Variants in LRP1B observed in about 807,000 individuals in gnomAD.
LRP1B encodes LDL receptor related protein 1B.
In LRP1B, 217 loss-of-function variants were observed where a neutral mutation model predicts 556.6. The observed-to-expected ratio is 0.39, with a 90% CI of 0.35 to 0.44. The LOEUF (loss-of-function observed/expected upper bound fraction) is 0.44. Ranked by LOEUF, LRP1B falls within the 20% of genes least tolerant of loss-of-function variation. The pLI is 1.00. For synonymous variants in LRP1B, 2,047 were observed against 1,865.8 expected (o/e 1.10, Z -2.50); for missense variants, 5,053 against 5,620.8 (o/e 0.90, Z 3.23).
At chr2:140,775,246 T>C (rs1283762018) in intron 33 of LRP1B, among the ~76,000 whole-genome samples, 4 of 152,002 alleles carry the variant, frequency 2.6e-5, no homozygotes, top group Admixed American at 2.6e-4. Flanking sequence ...GCTTGCTTGA[T>C]GGTCATTACC....
At chr2:141,164,610 C>T (rs1349652195) in intron 7 of LRP1B, among the ~76,000 whole-genome samples, 1 of 152,040 alleles carries the variant, frequency 6.6e-6, no homozygotes, top group Non-Finnish European at 1.5e-5. Context: ...ACCCAAAGTA[C>T]TCTAACACAA....
At chr2:140,244,278 C>T (rs552896028) in intron 87 of LRP1B, among the ~76,000 whole-genome samples, 1 of 151,176 alleles carries the variant, frequency 6.6e-6, no homozygotes, top group East Asian at 2.0e-4. Flanking sequence ...ATGGATGATA[C>T]AAAATGATAA....
intron 7 of LRP1B, among the ~76,000 whole-genome samples, chr2:141,115,067 T>G (rs944292906): frequency 6.6e-6 from 1 of 152,058 alleles, no homozygotes; most frequent in African/African-American, 2.4e-5. Context: ...GGAGTGTCCA[T>G]TTTCTAGAAC....
At chr2:140,561,412 T>C (rs1680926139) in intron 43 of LRP1B, among the ~76,000 whole-genome samples, 1 of 152,202 alleles carries the variant, frequency 6.6e-6, no homozygotes, top group African/African-American at 2.4e-5. Flanking sequence ...GGCTGTCCAT[T>C]CTTCATTGAA....
At chr2:140,801,434 G>A (rs1690507288) in intron 32 of LRP1B, among the ~76,000 whole-genome samples, 1 of 152,126 alleles carries the variant, frequency 6.6e-6, no homozygotes, top group African/African-American at 2.4e-5. Context: ...CGGATGTAGT[G>A]CACATGACTG....
In LRP1B at chr2:141,152,969, A is replaced by G. The variant is rs574207195; in HGVS notation, c.1013+35452T>C. Reference sequence around the variant, plus strand: ...AGGTACACTTAGTTTACTCTTAGACAGTACTTTTCTAGTTTTTACCCAAAT... The same window carrying G: ...AGGTACACTTAGTTTACTCTTAGACGGTACTTTTCTAGTTTTTACCCAAAT... On this transcript the variant is annotated intron_variant, in intron 7 of 90. Coordinates refer to ENST00000389484, the MANE Select transcript of LRP1B (RefSeq NM_018557.3). 4.6e-5 allele frequency among the ~76,000 whole-genome samples: 7 copies of G among 150,998 alleles called. No individual in the cohort carries two copies. In the South Asian group the frequency reaches 1.2e-3, roughly 27 times the overall value.
chr2:141,585,422 C>CGTGTGTGTGTGTGTGT (rs3041302), intron 2 of LRP1B, among the ~76,000 whole-genome samples: 8 of 129,262 alleles, frequency 6.2e-5, no homozygotes, highest in East Asian at 2.5e-4. Flanking sequence ...CTGAAATAAT[C>CGTGTGTGTGTGTGTGT]GTGTGTGTGT....
intron 66 of LRP1B, among the ~76,000 whole-genome samples, chr2:140,413,731 C>G (rs1274007845): frequency 3.3e-5 from 5 of 152,138 alleles, no homozygotes; most frequent in African/African-American, 1.2e-4. Flanking sequence ...AGCAAAATAT[C>G]ATCTCCACTT....
chr2:141,345,233 A>G (rs2714218), intron 3 of LRP1B, among the ~76,000 whole-genome samples: 92,722 of 151,526 alleles, frequency 0.61, 29,369 homozygotes, highest in African/African-American at 0.71. Flanking sequence ...ACACACCAAT[A>G]CTGCCCACTT....
At chr2:141,534,346 C>G (rs1684992635) in intron 2 of LRP1B, among the ~76,000 whole-genome samples, 1 of 152,114 alleles carries the variant, frequency 6.6e-6, no homozygotes, top group Non-Finnish European at 1.5e-5. Context: ...GTTCCCATTT[C>G]CATTGGAAGA....
intron 41 of LRP1B, among the ~76,000 whole-genome samples, chr2:140,645,089 C>A (rs1325260971): frequency 1.3e-5 from 2 of 152,094 alleles, no homozygotes; most frequent in Non-Finnish European, 2.9e-5. Flanking sequence ...TCACAGGTCA[C>A]AATTTGCAGA....
intron 13 of LRP1B, among the ~76,000 whole-genome samples, chr2:141,015,174 C>CA (rs1697866617): frequency 6.6e-6 from 1 of 151,992 alleles, no homozygotes; most frequent in Non-Finnish European, 1.5e-5. Context: ...CTAAGAATTT[C>CA]AAAATCATTT....
intron 25 of LRP1B, among the ~76,000 whole-genome samples, chr2:140,873,901 A>T (rs1693219937): frequency 6.6e-6 from 1 of 151,904 alleles, no homozygotes; most frequent in South Asian, 2.1e-4. Flanking sequence ...GAATGGGGAA[A>T]TAAGAGAAAT....
rs1460214993 is a variant in LRP1B, at chr2:140,782,344, G to A, written c.5360-6106C>T. On this transcript the variant is annotated intron_variant, in intron 32 of 90. Transcript: ENST00000389484. Reference sequence around the variant, plus strand: ...AGATATTTAATAATTAAGTCTAAACGAGGCCCCATTAGGACGGATCTTAAT... The same window carrying A: ...AGATATTTAATAATTAAGTCTAAACAAGGCCCCATTAGGACGGATCTTAAT... Among the ~76,000 whole-genome samples the A allele has an allele frequency of 3.3e-5, 5 of 152,228 alleles. No individual in the cohort carries two copies. In the South Asian group the frequency reaches 6.2e-4, roughly 19 times the overall value.
chr2:141,493,248 G>C (rs905342026), intron 2 of LRP1B, among the ~76,000 whole-genome samples: 5 of 152,096 alleles, frequency 3.3e-5, no homozygotes, highest in African/African-American at 1.2e-4. Flanking sequence ...ACTACATTGT[G>C]CTGCAATCTC....
chr2:141,056,045 C>T (rs1445257689), intron 9 of LRP1B, among the ~76,000 whole-genome samples: 1 of 151,756 alleles, frequency 6.6e-6, no homozygotes, highest in African/African-American at 2.4e-5. Flanking sequence ...TCTTTTAGAT[C>T]ACCCACTTGT....
chr2:141,553,000 G>A (rs1016718633), intron 2 of LRP1B, among the ~76,000 whole-genome samples: 1 of 151,500 alleles, frequency 6.6e-6, no homozygotes, highest in Non-Finnish European at 1.5e-5. Context: ...AGAGGTAGTG[G>A]GAGAAGGGGA....
intron 7 of LRP1B, among the ~76,000 whole-genome samples, chr2:141,116,200 G>A (rs976692532): frequency 2.0e-5 from 3 of 152,030 alleles, no homozygotes; most frequent in African/African-American, 7.2e-5. Flanking sequence ...GCCTATTACA[G>A]TGATTTGTTA....
intron 41 of LRP1B, among the ~76,000 whole-genome samples, chr2:140,682,534 G>A (rs1157049136): frequency 6.6e-6 from 1 of 152,096 alleles, no homozygotes; most frequent in Non-Finnish European, 1.5e-5. Context: ...TGATGAGCAA[G>A]GCACAGTTTC....
Sources: gnomAD v4.1 joint callset for allele counts (sites outside exome capture counted in the v4.1 genomes callset) on GRCh38, gnomAD v4.1.1 for gene constraint, MANE v1.5 for transcripts, NCBI Gene and HGNC (gene_info 2026-07-23, HGNC 2026-07-21) for gene names.